The following OTOP3 variants were observed in gnomAD, a reference collection of about 807,000 sequenced individuals.
The protein encoded by OTOP3 is proton channel OTOP3.
OTOP3 carries 41 observed loss-of-function variants against 50.8 expected under a neutral mutation model. The ratio of observed to expected loss-of-function variants is 0.81; its 90% CI spans 0.63 to 1.05. OTOP3 has a LOEUF of 1.05. Among genes scored for constraint, OTOP3 ranks in the 50% least tolerant of loss-of-function variants. The pLI is 0.00. For synonymous variants in OTOP3, 320 were observed against 324.4 expected (o/e 0.99, Z 0.14); for missense variants, 788 against 760.8 (o/e 1.04, Z -0.42).
At position 74,941,450 on chromosome 17, in the gene OTOP3, C is replaced by T. The variant is rs529811334; in HGVS notation, c.77C>T (p.Pro26Leu). 2.3e-5 allele frequency: 37 copies of T among 1,593,942 alleles called. No homozygotes were observed. In the South Asian group the frequency reaches 3.1e-4, roughly 13 times the overall value. Residue 26 changes from proline (P) to leucine (L), a missense_variant, in exon 2 of 7, where the codon CCG becomes CTG. Transcript: ENST00000328801. ...SSEAQETEAA[P>L]EKENRVDVGA... ...GAAGCACAGGAGACTGAAGCAGCCC[C>T]GGAGAAGGAGAACCGAGTGGATGTG...
chr17:74,941,295 C>T (rs1281394573), intron 1 of OTOP3, 98 bp from the exon 2 acceptor site: 18 of 1,311,728 alleles, frequency 1.4e-5, no homozygotes, highest in Admixed American at 6.2e-5. Context: ...CCAGAGAGGC[C>T]GCATAGCTGA....
At chr17:74,936,260 A>C (rs946777708) in intron 1 of OTOP3, among the ~76,000 whole-genome samples, 2 of 152,150 alleles carry the variant, frequency 1.3e-5, no homozygotes, top group Non-Finnish European at 2.9e-5. Context: ...GGCTGTCTGG[A>C]CGCCCGGTCT....
In OTOP3 at chr17:74,947,430, G is replaced by A; in HGVS notation, c.1521G>A (p.Arg507=). The A allele has an allele frequency of 6.2e-7, 1 of 1,611,532 alleles. No individual in the cohort carries two copies. Among genetic ancestry groups the A allele is most frequent in the Non-Finnish European group, 8.5e-7 (1 of 1,179,002 alleles). ...HSYSHLNWKR[R]ALKEISLFLI... is the part of the protein sequence containing the mutation. The stretch of plus-strand genomic sequence containing the variant: ...ACAGCCACCTCAACTGGAAGCGGAG[G>A]GCACTCAAGGAGATCTCACTCTTCC... Residue 507 remains arginine (R), a synonymous_variant, in exon 6 of 7, where the codon AGG becomes AGA. Transcript: ENST00000328801.
chr17:74,936,084 C>A, intron 1 of OTOP3, 144 bp downstream of exon 1: 1 of 1,340,440 alleles, frequency 7.5e-7, no homozygotes, highest in Non-Finnish European at 1.0e-6. Context: ...GAGAGGTGAA[C>A]TCCCTTTAAT....
At position 74,949,389 on chromosome 17, in the gene OTOP3, C is replaced by G. The variant is rs199617398; in HGVS notation, c.1710C>G (p.Gly570=). 1.2e-5 allele frequency: 19 copies of G among 1,613,174 alleles called. No individual in the cohort carries two copies. The African/African-American group carries it at 1.9e-4, about 16-fold the overall frequency. ...GVFYRMHSVG[G]LVEVYLGA ...TCTACCGCATGCACTCTGTGGGAGG[C>G]CTGGTGGAGGTCTACCTGGGGGCCT... Residue 570 remains glycine (G), a synonymous_variant, in exon 7 of 7, where the codon GGC becomes GGG. Transcript: ENST00000328801.
At chr17:74,936,013 C>T (rs574561616) in intron 1 of OTOP3, 73 bp downstream of exon 1, 24 of 1,527,562 alleles carry the variant, frequency 1.6e-5, no homozygotes, top group Middle Eastern at 1.8e-4. Flanking sequence ...CCCACCCCCC[C>T]AAAAGGGGGG....
rs1182868605 is a variant in OTOP3 at position 74,947,191 on chromosome 17, C to T, written c.1282C>T (p.Leu428Phe). The change falls in exon 6 of 7, where the codon CTC (leucine) becomes TTC (phenylalanine). Residue 428 changes from leucine to phenylalanine, a missense_variant. Transcript: ENST00000328801. ...AIVAKRPHEL[L>F]NRLILAYSLL... Reference sequence around the variant, plus strand: ...TGTGGCCAAGCGCCCGCATGAGCTGCTCAACCGCCTCATCCTGGCCTACTC... The same window carrying T: ...TGTGGCCAAGCGCCCGCATGAGCTGTTCAACCGCCTCATCCTGGCCTACTC... 2 of 1,613,932 alleles carry T rather than the reference C, an allele frequency of 1.2e-6. No individual in the cohort carries two copies. The highest frequency in any genetic ancestry group is 1.7e-5 in the Admixed American group (1 of 60,036).
intron 1 of OTOP3, among the ~76,000 whole-genome samples, chr17:74,938,128 AT>A (rs375438539): frequency 2.0e-3 from 312 of 152,258 alleles, no homozygotes; most frequent in African/African-American, 7.2e-3. Context: ...GGAGAAAATC[AT>A]TTATAGAATC....
At chr17:74,944,386 T>C (rs4789111) in intron 5 of OTOP3, among the ~76,000 whole-genome samples, 128,239 of 152,234 alleles carry the variant, frequency 0.84, 54,106 homozygotes, top group East Asian at 0.96. Context: ...GCATTCTATA[T>C]ACTCTGCTTG....
At chr17:74,942,554 C>A (rs1159145771) in intron 3 of OTOP3, among the ~76,000 whole-genome samples, 1 of 151,718 alleles carries the variant, frequency 6.6e-6, no homozygotes, top group Admixed American at 6.6e-5. Context: ...TCGCTTGAAC[C>A]CAGGAGGCAG....
At chr17:74,941,864 C>T (rs368238587) in intron 2 of OTOP3, 37 bp from the exon 3 acceptor site, 82 of 1,590,678 alleles carry the variant, frequency 5.2e-5, no homozygotes, top group Admixed American at 1.2e-4. Context: ...GAGCCGGTTC[C>T]GCGCAGGTGC....
chr17:74,941,118 G>C (rs2039166981), intron 1 of OTOP3, among the ~76,000 whole-genome samples: 1 of 152,208 alleles, frequency 6.6e-6, no homozygotes, highest in African/African-American at 2.4e-5. Flanking sequence ...AAGTCAGGAA[G>C]TGGGGTTGAG....
Position 74,946,626 on chromosome 17 carries a change from G to A in OTOP3, c.752-35G>A, listed in dbSNP as rs778249588. On this transcript the variant is annotated intron_variant, in intron 5 of 6. Coordinates refer to ENST00000328801, the MANE Select transcript of OTOP3 (RefSeq NM_001272005.2). ...AGTTTCCTCAGAGCAGAGCCTGCCT[G>A]AATGTCTGTCCCTCCCACCCTGCCT... is the stretch of plus-strand genomic sequence containing the variant. 4 of 1,558,182 alleles carry A rather than the reference G, an allele frequency of 2.6e-6. No homozygotes were observed. In the East Asian group the frequency reaches 9.0e-5, roughly 35 times the overall value.
intron 1 of OTOP3, among the ~76,000 whole-genome samples, chr17:74,941,115 G>A (rs920643009): frequency 1.3e-5 from 2 of 152,324 alleles, no homozygotes; most frequent in Non-Finnish European, 2.9e-5. Flanking sequence ...CACAAGTCAG[G>A]AAGTGGGGTT....
In OTOP3 at chr17:74,941,628, C is replaced by A. The variant is rs781208117; in HGVS notation, c.255C>A (p.Gly85=). The change falls in exon 2 of 7, where the codon GGC becomes GGA. Residue 85 remains glycine (G), a synonymous_variant. Transcript: ENST00000328801. ...LLALNVVFLG[G]AFICSMIFNK... ...CCCTGAATGTGGTGTTCCTGGGTGGCGCCTTCATCTGCAGCATGATCTTCA... is the reference window on the plus strand; with the variant it reads ...CCCTGAATGTGGTGTTCCTGGGTGGAGCCTTCATCTGCAGCATGATCTTCA... The A allele has an allele frequency of 6.2e-7, 1 of 1,613,762 alleles. No homozygotes were observed. Among genetic ancestry groups the A allele is most frequent in the Non-Finnish European group, 8.5e-7 (1 of 1,179,880 alleles).
chr17:74,944,434 C>G (rs929082138), intron 5 of OTOP3, among the ~76,000 whole-genome samples: 2 of 152,188 alleles, frequency 1.3e-5, no homozygotes. Context: ...AGAATTTTTG[C>G]CAAGTGACAT....
chr17:74,936,950 A>ACCC (rs1210830076), intron 1 of OTOP3, among the ~76,000 whole-genome samples: 3 of 52,932 alleles, frequency 5.7e-5, no homozygotes, highest in African/African-American at 5.4e-5. Context: ...GGCATTCATC[A>ACCC]CCCCCCCACC....
At chr17:74,947,900 A>G (rs2039244941) in intron 6 of OTOP3, among the ~76,000 whole-genome samples, 1 of 152,200 alleles carries the variant, frequency 6.6e-6, no homozygotes, top group African/African-American at 2.4e-5. Context: ...CAGTAACTCC[A>G]TGCAACAGAC....
intron 1 of OTOP3, among the ~76,000 whole-genome samples, chr17:74,938,216 G>A (rs1289632128): frequency 6.6e-6 from 1 of 152,074 alleles, no homozygotes; most frequent in East Asian, 1.9e-4. Flanking sequence ...GGAGCAGGTG[G>A]AGAATGGGAG....
Sources: gnomAD v4.1 joint callset for allele counts (sites outside exome capture counted in the v4.1 genomes callset) on GRCh38, gnomAD v4.1.1 for gene constraint, MANE v1.5 for transcripts, NCBI Gene and HGNC (gene_info 2026-07-23, HGNC 2026-07-21) for gene names.